Variants in LRRTM3 observed in about 807,000 individuals in gnomAD.
The protein encoded by LRRTM3 is leucine rich repeat transmembrane neuronal 3.
LRRTM3 carries 24 observed loss-of-function variants against 44.7 expected under a neutral mutation model. The observed-to-expected ratio is 0.54, with a 90% confidence interval of 0.39 to 0.76. LRRTM3 has a LOEUF of 0.76. Among genes scored for constraint, LRRTM3 ranks in the 30% least tolerant of loss-of-function variants. LRRTM3 has a pLI of 0.00. For synonymous variants in LRRTM3, 277 were observed against 278.7 expected (o/e 0.99, Z 0.06); for missense variants, 587 against 702.2 (o/e 0.84, Z 1.85).
chr10:67,057,140 C>T (rs1426787305), intron 2 of LRRTM3, among the ~76,000 whole-genome samples: 1 of 152,072 alleles, frequency 6.6e-6, no homozygotes, highest in Non-Finnish European at 1.5e-5. Flanking sequence ...TTCTTTTTCA[C>T]TTTTATTGAG....
At chr10:67,049,665 G>A (rs1854962227) in intron 2 of LRRTM3, among the ~76,000 whole-genome samples, 2 of 152,148 alleles carry the variant, frequency 1.3e-5, no homozygotes, top group African/African-American at 2.4e-5. Flanking sequence ...TTCAGGGGTA[G>A]AATTTTAGGA....
At position 66,927,937 on chromosome 10, in the gene LRRTM3, G is replaced by T. The variant is rs1847163659; in HGVS notation, c.1021G>T (p.Ala341Ser). ...TCTAAGGGAGAATACAATTATCTGT[G>T]CCAGTCCCAAAGAGCTGCAAGGAGT... ...KGLRENTIICASPKELQGVNV... is the reference protein window; with the variant it reads ...KGLRENTIICSSPKELQGVNV... The change falls in exon 2 of 3, where the codon GCC (alanine) becomes TCC (serine). Residue 341 changes from alanine to serine, a missense_variant. Ala to Ser is a moderately conservative substitution (Grantham distance 99, BLOSUM62 1). Transcript: ENST00000361320. The surrounding 1 kb of genome is among the most constrained non-coding windows in gnomAD (Gnocchi z 4.7). 6.2e-7 allele frequency: 1 copy of T among 1,614,094 alleles called. No individual in the cohort carries two copies. The highest frequency in any genetic ancestry group is 8.5e-7 in the Non-Finnish European group (1 of 1,180,054).
intron 2 of LRRTM3, among the ~76,000 whole-genome samples, chr10:66,942,559 T>C (rs1301395774): frequency 6.6e-6 from 1 of 151,656 alleles, no homozygotes; most frequent in Non-Finnish European, 1.5e-5. Flanking sequence ...TCTCTCTCTC[T>C]CTCTCTCTCT....
At chr10:67,088,805 C>T (rs900538828) in intron 2 of LRRTM3, among the ~76,000 whole-genome samples, 1 of 151,992 alleles carries the variant, frequency 6.6e-6, no homozygotes, top group Non-Finnish European at 1.5e-5. Context: ...TGAAAATCTG[C>T]AAATTTATAT....
intron 2 of LRRTM3, among the ~76,000 whole-genome samples, chr10:67,005,579 T>A (rs1851918670): frequency 6.6e-6 from 1 of 151,426 alleles, no homozygotes; most frequent in Non-Finnish European, 1.5e-5. Flanking sequence ...AAGGTGAATA[T>A]ATCTGATGAA....
intron 2 of LRRTM3, among the ~76,000 whole-genome samples, chr10:67,069,570 C>G (rs985987586): frequency 1.7e-4 from 24 of 142,636 alleles, no homozygotes; most frequent in Middle Eastern, 7.5e-3. Context: ...CCACCCCACC[C>G]CACCCCACCC....
chr10:66,963,053 T>C (rs540286641), intron 2 of LRRTM3, among the ~76,000 whole-genome samples: 78 of 152,282 alleles, frequency 5.1e-4, no homozygotes, highest in South Asian at 2.5e-3. Flanking sequence ...GCAGTAAGAC[T>C]CACACATACT....
chr10:67,000,549 A>G (rs1167694306), intron 2 of LRRTM3, among the ~76,000 whole-genome samples: 3 of 152,194 alleles, frequency 2.0e-5, no homozygotes, highest in Non-Finnish European at 2.9e-5. Context: ...GCTAAAAATT[A>G]CACCAATCAC....
chr10:66,989,382 T>A (rs1281231818), intron 2 of LRRTM3, among the ~76,000 whole-genome samples: 1 of 152,190 alleles, frequency 6.6e-6, no homozygotes, highest in Non-Finnish European at 1.5e-5. Flanking sequence ...AAAATATTGT[T>A]CCAAAATCTT....
chr10:66,997,134 T>C (rs1270840256), intron 2 of LRRTM3, among the ~76,000 whole-genome samples: 1 of 152,152 alleles, frequency 6.6e-6, no homozygotes. Flanking sequence ...ATCAAACAGC[T>C]TTTTCGTCTT....
chr10:67,016,255 G>A (rs1170901004), intron 2 of LRRTM3, among the ~76,000 whole-genome samples: 1 of 152,190 alleles, frequency 6.6e-6, no homozygotes, highest in Non-Finnish European at 1.5e-5. Flanking sequence ...GAAGAGGAAG[G>A]GGATAGCTGG....
At chr10:66,954,116 C>A (rs1489705012) in intron 2 of LRRTM3, among the ~76,000 whole-genome samples, 1 of 152,102 alleles carries the variant, frequency 6.6e-6, no homozygotes. Context: ...CTCTACTAGT[C>A]AGTAAATCCA....
At position 67,048,612 on chromosome 10, in the gene LRRTM3, C is replaced by T. The variant is rs142180491; in HGVS notation, c.1537-48975C>T. On this transcript the variant is annotated intron_variant, in intron 2 of 2. Transcript: ENST00000361320. ...ACTCAAAGAATGAAAATCACTTATT[C>T]CTTTGAAAATTGGGATACTTTTTAT... Among the ~76,000 whole-genome samples, 309 of 152,144 alleles carry T rather than the reference C, an allele frequency of 2.0e-3. 1 individual carries two copies. Among genetic ancestry groups the T allele is most frequent in the South Asian group, 0.011 (52 of 4,820 alleles).
At chr10:67,091,955 T>G (rs1311770010) in intron 2 of LRRTM3, among the ~76,000 whole-genome samples, 1 of 152,070 alleles carries the variant, frequency 6.6e-6, no homozygotes, top group Non-Finnish European at 1.5e-5. Flanking sequence ...AATGCCTATT[T>G]CTTATTTTAT....
At chr10:66,970,582 A>T (rs1849666848) in intron 2 of LRRTM3, among the ~76,000 whole-genome samples, 1 of 152,080 alleles carries the variant, frequency 6.6e-6, no homozygotes, top group African/African-American at 2.4e-5. Context: ...ATGCCAAGAA[A>T]ATACATTTCA....
chr10:67,000,684 T>C (rs1851628503), intron 2 of LRRTM3, among the ~76,000 whole-genome samples: 2 of 152,292 alleles, frequency 1.3e-5, no homozygotes, highest in Admixed American at 1.3e-4. Flanking sequence ...ATTAGATATA[T>C]GAATTCAATA....
intron 2 of LRRTM3, among the ~76,000 whole-genome samples, chr10:67,025,382 C>T (rs1289388752): frequency 6.6e-6 from 1 of 151,510 alleles, no homozygotes; most frequent in African/African-American, 2.4e-5. Flanking sequence ...GTAAAGGCCA[C>T]ATATCCAACT....
intron 2 of LRRTM3, among the ~76,000 whole-genome samples, chr10:67,001,042 C>T (rs1268110882): frequency 6.6e-6 from 1 of 151,966 alleles, no homozygotes; most frequent in African/African-American, 2.4e-5. Context: ...GTGGCTCATG[C>T]CTGTAATCCC....
intron 2 of LRRTM3, among the ~76,000 whole-genome samples, chr10:66,939,360 T>C (rs1374491187): frequency 6.6e-6 from 1 of 152,156 alleles, no homozygotes; most frequent in Non-Finnish European, 1.5e-5. Context: ...TATCCAACTT[T>C]TAAGTCAATC....
Sources: gnomAD v4.1 joint callset for allele counts (sites outside exome capture counted in the v4.1 genomes callset) on GRCh38, gnomAD v4.1.1 for gene constraint, Gnocchi (gnomAD v3.1) non-coding constraint, MANE v1.5 for transcripts, NCBI Gene and HGNC (gene_info 2026-07-23, HGNC 2026-07-21) for gene names.